Variants in TNMD observed in about 807,000 individuals in gnomAD.
TNMD encodes the protein BRICHOS domain containing 4.
In TNMD, 15 loss-of-function variants were observed where a neutral mutation model predicts 26.9. The ratio of observed to expected loss-of-function variants is 0.56; its 90% CI spans 0.37 to 0.86. The LOEUF is 0.86. Ranked by LOEUF, TNMD falls within the 40% of genes least tolerant of loss-of-function variation. The pLI, the probability that TNMD is intolerant of heterozygous loss-of-function variation, is 0.00. For synonymous variants in TNMD, 73 were observed against 77.0 expected (o/e 0.95, Z 0.27); for missense variants, 222 against 242.6 (o/e 0.92, Z 0.56).
Position 100,599,158 on chromosome X carries a change from G to A in TNMD, c.720G>A (p.Glu240=). 1 of 1,198,004 alleles carries A rather than the reference G, an allele frequency of 8.3e-7. No individual in the cohort carries two copies. The highest frequency in any genetic ancestry group is 1.1e-6 in the Non-Finnish European group (1 of 889,136). ...CCCGTCACGCCAGACAAGCAAGTGA[G>A]GAAGAACTTCCAATAAATGACTATG... is the stretch of plus-strand genomic sequence containing the variant. ...EKTRHARQAS[E]EELPINDYTE... Residue 240 remains glutamate (E), a synonymous_variant, in exon 6 of 7, where the codon GAG becomes GAA. Coordinates refer to ENST00000373031, the MANE Select transcript of TNMD (RefSeq NM_022144.3).
intron 4 of TNMD, among the ~76,000 whole-genome samples, chrX:100,595,713 T>C (rs1438474685): frequency 9.0e-6 from 1 of 110,621 alleles, no homozygotes; most frequent in African/African-American, 3.3e-5. Context: ...CCCTTGTTAC[T>C]AGAATTTGCA....
chrX:100,589,399 C>G (rs892452976), intron 2 of TNMD, among the ~76,000 whole-genome samples: 1 of 108,631 alleles, frequency 9.2e-6, no homozygotes, highest in African/African-American at 3.3e-5. Flanking sequence ...TCTTCATTTT[C>G]CTCTTAAAGC....
At chrX:100,599,218 GA>G in intron 6 of TNMD, 36 bp downstream of exon 6, 2 of 1,075,756 alleles carry the variant, frequency 1.9e-6, no homozygotes, top group Non-Finnish European at 2.5e-6. Flanking sequence ...GATAGAGGAG[GA>G]AAAAAGAGCC....
At chrX:100,585,949 A>G (rs1175663715) in intron 2 of TNMD, among the ~76,000 whole-genome samples, 3 of 112,284 alleles carry the variant, frequency 2.7e-5, no homozygotes, top group Non-Finnish European at 5.6e-5. Flanking sequence ...TAGCAATGCC[A>G]CAAGGTAGAA....
chrX:100,597,724 T>C, intron 5 of TNMD, 67 bp downstream of exon 5: 1 of 1,039,372 alleles, frequency 9.6e-7, no homozygotes, highest in African/African-American at 1.8e-5. Context: ...GTTCCCAGCA[T>C]TTAGAGGCTA....
At chrX:100,592,724 G>C (rs2082941258) in intron 2 of TNMD, among the ~76,000 whole-genome samples, 1 of 112,243 alleles carries the variant, frequency 8.9e-6, no homozygotes, top group African/African-American at 3.2e-5. Flanking sequence ...CTAACATTCA[G>C]TCAATGGCAT....
chrX:100,585,535 T>A (rs2052376648), intron 2 of TNMD, among the ~76,000 whole-genome samples, 173 bp downstream of exon 2: 2 of 84,963 alleles, frequency 2.4e-5, no homozygotes, highest in African/African-American at 9.8e-5. Context: ...GCCTAATTAT[T>A]TTGGTAAGGG....
At chrX:100,585,453 T>C in intron 2 of TNMD, 91 bp downstream of exon 2, 1 of 926,157 alleles carries the variant, frequency 1.1e-6, no homozygotes, top group Non-Finnish European at 1.5e-6. Context: ...AAAATGAAAA[T>C]CATTAAGTCT....
chrX:100,599,475 C>A, intron 6 of TNMD, 33 bp from the exon 7 acceptor site: 1 of 1,155,885 alleles, frequency 8.7e-7, no homozygotes, highest in Non-Finnish European at 1.2e-6. Flanking sequence ...ACCTTCCTCT[C>A]CCACCCCCAA....
intron 2 of TNMD, among the ~76,000 whole-genome samples, chrX:100,591,979 T>C (rs992753287): frequency 9.0e-6 from 1 of 111,394 alleles, no homozygotes; most frequent in African/African-American, 3.3e-5. Flanking sequence ...CTACCAGTGA[T>C]TGAAAATACA....
chrX:100,593,246 A>G, intron 2 of TNMD: 1 of 611,579 alleles, frequency 1.6e-6, no homozygotes, highest in Non-Finnish European at 2.0e-6. Flanking sequence ...CATATACACA[A>G]AAGAATCCGT....
chrX:100,595,559 C>G (rs1478641909), intron 4 of TNMD, among the ~76,000 whole-genome samples: 2 of 109,896 alleles, frequency 1.8e-5, no homozygotes, highest in Non-Finnish European at 3.8e-5. Context: ...TTTCCTTTAC[C>G]TTTTTCTTTA....
chrX:100,589,479 C>T (rs1199355095), intron 2 of TNMD, among the ~76,000 whole-genome samples: 1 of 111,143 alleles, frequency 9.0e-6, no homozygotes, highest in African/African-American at 3.3e-5. Flanking sequence ...TACTCAAGGG[C>T]AGCTCCCAGC....
rs2082960862 is a variant in TNMD, at chrX:100,599,044, G to A, written c.606G>A (p.Glu202=). The change falls in exon 6 of 7, where the codon GAG becomes GAA. Residue 202 remains glutamate (E), a synonymous_variant. Transcript: ENST00000373031. ...CTGAGTTACAAGACTTTGAGGAGGA[G>A]GGAGAAGATCTTCACTTTCCTGCCA... is the stretch of plus-strand genomic sequence containing the variant. The part of the protein sequence containing the change: ...SVSELQDFEE[E]GEDLHFPANE... The A allele has an allele frequency of 2.5e-6, 3 of 1,205,354 alleles. No individual in the cohort carries two copies. The highest frequency in any genetic ancestry group is 1.8e-5 in the South Asian group (1 of 55,358).
At chrX:100,598,620 AC>A (rs2082959535) in intron 5 of TNMD, among the ~76,000 whole-genome samples, 1 of 112,261 alleles carries the variant, frequency 8.9e-6, no homozygotes, top group Non-Finnish European at 1.9e-5. Flanking sequence ...AAAATTTAAG[AC>A]AAGAAACATA....
At chrX:100,590,662 C>T (rs1323453477) in intron 2 of TNMD, among the ~76,000 whole-genome samples, 1 of 111,715 alleles carries the variant, frequency 9.0e-6, no homozygotes, top group Non-Finnish European at 1.9e-5. Flanking sequence ...TGTCTCATTT[C>T]ACTTCTGATT....
chrX:100,599,028 A>G lies in TNMD; in HGVS notation c.590A>G (p.Gln197Arg). The change falls in exon 6 of 7, where the codon CAA (glutamine) becomes CGA (arginine). Residue 197 changes from glutamine to arginine, a missense_variant. Coordinates refer to ENST00000373031, the MANE Select transcript of TNMD (RefSeq NM_022144.3). ...NPTLISVSEL[Q>R]DFEEEGEDLH... ...TTTATTATCTTAGTTTCTGAGTTACAAGACTTTGAGGAGGAGGGAGAAGAT... is the reference window on the plus strand; with the variant it reads ...TTTATTATCTTAGTTTCTGAGTTACGAGACTTTGAGGAGGAGGGAGAAGAT... 8.4e-7 allele frequency: 1 copy of G among 1,197,225 alleles called. No homozygotes were observed. The highest frequency in any genetic ancestry group is 1.1e-6 in the Non-Finnish European group (1 of 888,661).
intron 5 of TNMD, 93 bp downstream of exon 5, chrX:100,597,750 A>G (rs771443528): frequency 1.3e-5 from 12 of 956,204 alleles, no homozygotes; most frequent in Non-Finnish European, 1.5e-6. Flanking sequence ...CTAGGAAAAC[A>G]AATGATCGGT....
chrX:100,595,321 T>C (rs2082949668), intron 4 of TNMD, among the ~76,000 whole-genome samples: 1 of 111,023 alleles, frequency 9.0e-6, no homozygotes, highest in Non-Finnish European at 1.9e-5. Flanking sequence ...GGTTTCACCA[T>C]AGCCAGGATG....
Sources: allele counts gnomAD v4.1 joint callset (sites outside exome capture counted in the v4.1 genomes callset), GRCh38; gene constraint gnomAD v4.1.1; transcripts MANE v1.5; gene names NCBI Gene and HGNC (gene_info 2026-07-23, HGNC 2026-07-21).